The following CD47 variants were observed in gnomAD, a reference collection of about 807,000 sequenced individuals.
The protein encoded by CD47 is CD47 molecule, also known as leukocyte surface antigen CD47.
CD47 carries 11 observed loss-of-function variants against 44.6 expected under a neutral mutation model. The ratio of observed to expected loss-of-function variants is 0.25; its 90% CI spans 0.16 to 0.41. The LOEUF is 0.41. Ranked by LOEUF, CD47 falls within the 10% of genes least tolerant of loss-of-function variation. The probability of loss-of-function intolerance (pLI) is 1.00; values close to 1 mark genes in which losing one functional copy is unlikely to be tolerated. For missense variants in CD47, 306 were observed against 386.7 expected (o/e 0.79, Z 1.75); for synonymous variants, 140 against 136.3 (o/e 1.03, Z -0.19).
chr3:108,066,584 T>G (rs2079109134), intron 3 of CD47, among the ~76,000 whole-genome samples: 1 of 152,236 alleles, frequency 6.6e-6, no homozygotes, highest in African/African-American at 2.4e-5. Context: ...CAGCAAAGTA[T>G]GGAGTTTTGT....
intron 2 of CD47, 29 bp downstream of exon 2, chr3:108,079,962 A>T: frequency 1.3e-6 from 2 of 1,496,954 alleles, no homozygotes; most frequent in East Asian, 2.3e-5. Flanking sequence ...CAGGACAAAT[A>T]AAAAAAGAAG....
chr3:108,054,316 G>A (rs772654407), intron 7 of CD47: 20 of 152,090 alleles, frequency 1.3e-4, no homozygotes, highest in East Asian at 5.8e-4. Flanking sequence ...CTAAATCTCC[G>A]ATCCAAGGGA....
At chr3:108,068,947 G>A (rs949677328) in intron 3 of CD47, among the ~76,000 whole-genome samples, 1 of 152,078 alleles carries the variant, frequency 6.6e-6, no homozygotes, top group African/African-American at 2.4e-5. Flanking sequence ...AGGTTTATAA[G>A]CACGTTCCTT....
At chr3:108,052,315 C>G (rs956880726) in intron 7 of CD47, 5 of 254,494 alleles carry the variant, frequency 2.0e-5, no homozygotes, top group Admixed American at 5.2e-5. Context: ...CCTCCCTCCT[C>G]TATCTACCCA....
rs1195451348 is a variant in CD47, at chr3:108,080,073, G to T, written c.318C>A (p.Val106=). Reference sequence around the variant, plus strand: ...CACAAGTGTAGTTTCCTGTGTGTGAGACAGCATCACTCTTATCCATCTTCA... The same window carrying T: ...CACAAGTGTAGTTTCCTGTGTGTGATACAGCATCACTCTTATCCATCTTCA... ...ASLKMDKSDA[V]SHTGNYTCEV... is the part of the protein sequence containing the mutation. The change falls in exon 2 of 11, where the codon GTC becomes GTA. Residue 106 remains valine (V), a synonymous_variant. Coordinates refer to ENST00000361309, the MANE Select transcript of CD47 (RefSeq NM_001777.4). 2 of 1,612,930 alleles carry T rather than the reference G, an allele frequency of 1.2e-6. No individual in the cohort carries two copies. Among genetic ancestry groups the T allele is most frequent in the Non-Finnish European group, 1.7e-6 (2 of 1,179,232 alleles).
chr3:108,051,686 AC>A (rs1443351219), intron 8 of CD47: 1 of 600,550 alleles, frequency 1.7e-6, no homozygotes, highest in Non-Finnish European at 3.2e-6. Context: ...CATTATTCCT[AC>A]TTTCCAGTTT....
At chr3:108,060,975 T>C in intron 3 of CD47, 123 bp from the exon 4 acceptor site, 2 of 626,192 alleles carry the variant, frequency 3.2e-6, no homozygotes. Flanking sequence ...GAGGAACAAC[T>C]CCTTAATATC....
Position 108,048,546 on chromosome 3 carries a change from G to A in CD47, c.967+1073C>T, listed in dbSNP as rs546578361. Among the ~76,000 whole-genome samples, 554 of 151,942 alleles carry A rather than the reference G, an allele frequency of 3.6e-3. 6 individuals carry two copies. Among genetic ancestry groups the A allele is most frequent in the African/African-American group, 0.013 (523 of 41,452 alleles). ...ACCACAGGTGCCCGCCACCATGCCC[G>A]GCTAATTTTTTGTAGTTTTAGTAGA... On this transcript the variant is annotated intron_variant, in intron 10 of 10. Coordinates refer to ENST00000361309, the MANE Select transcript of CD47 (RefSeq NM_001777.4).
intron 7 of CD47, among the ~76,000 whole-genome samples, chr3:108,055,725 G>A (rs2078902957): frequency 6.6e-6 from 1 of 151,946 alleles, no homozygotes; most frequent in Non-Finnish European, 1.5e-5. Flanking sequence ...AATAATTTGG[G>A]GTACTTGTCA....
chr3:108,084,216 C>T (rs1053907132), intron 1 of CD47, among the ~76,000 whole-genome samples: 1 of 152,044 alleles, frequency 6.6e-6, no homozygotes, highest in African/African-American at 2.4e-5. Context: ...CCTACTTCTT[C>T]ATTACTACAG....
In CD47 at chr3:108,070,815, T is replaced by A. The variant is rs866450061; in HGVS notation, c.490+278A>T. Reference sequence around the variant, plus strand: ...GTTCTGTGAATATTAAAATGTGACATGAGTTTAAGGTGTTGGTACTAATAT... The same window carrying A: ...GTTCTGTGAATATTAAAATGTGACAAGAGTTTAAGGTGTTGGTACTAATAT... On this transcript the variant is annotated intron_variant, in intron 3 of 10. Coordinates refer to ENST00000361309, the MANE Select transcript of CD47 (RefSeq NM_001777.4). Among the ~76,000 whole-genome samples the A allele has an allele frequency of 2.6e-5, 4 of 151,480 alleles. No individual in the cohort carries two copies. The South Asian group carries it at 8.3e-4, about 32-fold the overall frequency.
intron 1 of CD47, among the ~76,000 whole-genome samples, chr3:108,081,903 G>A (rs1033944817): frequency 6.6e-6 from 1 of 151,814 alleles, no homozygotes; most frequent in Non-Finnish European, 1.5e-5. Flanking sequence ...AACCTATATT[G>A]TGGGCATCCA....
intron 5 of CD47, among the ~76,000 whole-genome samples, chr3:108,058,958 G>A (rs1438090562): frequency 1.3e-5 from 2 of 152,162 alleles, no homozygotes; most frequent in Non-Finnish European, 2.9e-5. Context: ...TCAAAATGCA[G>A]TGAAAATGAT....
intron 2 of CD47, among the ~76,000 whole-genome samples, chr3:108,073,915 C>T (rs373760777): frequency 3.3e-5 from 5 of 152,050 alleles, no homozygotes; most frequent in African/African-American, 1.2e-4. Context: ...GGAATTGCTC[C>T]AAAGGAAGAT....
Position 108,044,218 on chromosome 3 carries a change from G to A in CD47, c.*3070C>T, listed in dbSNP as rs1482560726. 6.6e-6 allele frequency: 1 copy of A among 152,522 alleles called. No homozygotes were observed. The highest frequency in any genetic ancestry group is 2.4e-5 in the African/African-American group (1 of 41,428). The allele number at this position is 152,522 out of a possible 1,614,324, so 9.4% of individuals were successfully genotyped here. A position where few individuals can be genotyped will look rare whatever the true frequency, so the allele number is the denominator to read the frequency against. On this transcript the variant is annotated 3_prime_UTR_variant, in exon 11 of 11. Transcript: ENST00000361309. The stretch of plus-strand genomic sequence containing the variant: ...GAGGAGTAAACTTATCGTGTTTTGA[G>A]CTTTGTTAGTGCAAATAACAATTTG...
At chr3:108,057,721 C>T (rs2078935310) in intron 6 of CD47, 152 bp from the exon 7 acceptor site, 5 of 494,784 alleles carry the variant, frequency 1.0e-5, no homozygotes, top group Non-Finnish European at 1.1e-5. Context: ...TAAAATGACT[C>T]AAAATTATTA....
rs1320262257 is a variant in CD47 at position 108,043,611 on chromosome 3, A to G, written c.*3677T>C. On this transcript the variant is annotated 3_prime_UTR_variant, in exon 11 of 11. Coordinates refer to ENST00000361309, the MANE Select transcript of CD47 (RefSeq NM_001777.4). ...GGAGTTCTCTTTATTTAGAATGGTT[A>G]ATAGATATTTATACGATGTGGGATC... 2.0e-5 allele frequency: 3 copies of G among 152,660 alleles called. No homozygotes were observed. Among genetic ancestry groups the G allele is most frequent in the African/African-American group, 7.2e-5 (3 of 41,464 alleles). The allele number at this position is 152,660 out of a possible 1,614,324, so 9.5% of individuals were successfully genotyped here.
At chr3:108,071,286 T>TA (rs2079197123) in intron 2 of CD47, 104 bp from the exon 3 acceptor site, 1 of 561,768 alleles carries the variant, frequency 1.8e-6, no homozygotes, top group African/African-American at 1.9e-5. Context: ...GGAAAAAAAT[T>TA]AAAACTGTGG....
chr3:108,078,805 C>A (rs2079359313), intron 2 of CD47, among the ~76,000 whole-genome samples: 2 of 152,046 alleles, frequency 1.3e-5, no homozygotes, highest in African/African-American at 4.8e-5. Context: ...TGATACCTTA[C>A]TTCATAAAAT....
Sources: gnomAD v4.1 joint callset for allele counts (sites outside exome capture counted in the v4.1 genomes callset) on GRCh38, gnomAD v4.1.1 for gene constraint, MANE v1.5 for transcripts, NCBI Gene and HGNC (gene_info 2026-07-23, HGNC 2026-07-21) for gene names.